The following SUGP1 variants were observed in gnomAD, a reference collection of about 807,000 sequenced individuals.
SUGP1 encodes SURP and G-patch domain-containing protein 1.
Under a neutral mutation model 76.5 loss-of-function variants are expected in SUGP1, and 34 were observed. The observed-to-expected ratio is 0.44, with a 90% confidence interval of 0.34 to 0.59. The LOEUF is 0.59. Ranked by LOEUF, SUGP1 falls within the 20% of genes least tolerant of loss-of-function variation. SUGP1 has a pLI of 0.01. For synonymous variants in SUGP1, 326 were observed against 326.2 expected, an observed-to-expected ratio of 1.00 and a Z score of 0.01; for missense variants, 752 against 851.7, an observed-to-expected ratio of 0.88 and a Z score of 1.46.
Position 19,277,853 on chromosome 19 carries a change from C to A in SUGP1, c.1662G>T (p.Glu554Asp). Residue 554 changes from glutamate (E) to aspartate (D), a missense_variant, in exon 12 of 14, where the codon GAG (glutamate) becomes GAT (aspartate). Glu to Asp is a conservative substitution (Grantham distance 45, BLOSUM62 2). Around this residue, in one of 2 missense-constraint regions of SUGP1, gnomAD observed 132 missense variants for 234.4 expected, o/e 0.56. Transcript: ENST00000247001. ...LKEGREPDYS[E>D]YKEFKLTVEN... ...CCACAGTCAGCTTGAACTCCTTGTACTCTGAGTAGTCAGGCTCACGGCCCT... is the reference window on the plus strand; with the variant it reads ...CCACAGTCAGCTTGAACTCCTTGTAATCTGAGTAGTCAGGCTCACGGCCCT... 1 of 1,614,006 alleles carries A rather than the reference C, an allele frequency of 6.2e-7. No homozygotes were observed. The highest frequency in any genetic ancestry group is 8.5e-7 in the Non-Finnish European group (1 of 1,179,972).
At chr19:19,280,058 TG>T in intron 9 of SUGP1, 126 bp downstream of exon 9, 2 of 909,762 alleles carry the variant, frequency 2.2e-6, no homozygotes, top group Non-Finnish European at 3.3e-6. Context: ...CCGCTGGCCA[TG>T]GGTTCCACCT....
At chr19:19,297,694 A>T (rs2061238827) in intron 7 of SUGP1, among the ~76,000 whole-genome samples, 1 of 152,176 alleles carries the variant, frequency 6.6e-6, no homozygotes, top group Non-Finnish European at 1.5e-5. Context: ...ACACCAAAAA[A>T]TCTCAGATTG....
intron 8 of SUGP1, among the ~76,000 whole-genome samples, chr19:19,290,301 C>T (rs1321960676): frequency 6.6e-6 from 1 of 152,142 alleles, no homozygotes; most frequent in Non-Finnish European, 1.5e-5. Flanking sequence ...ACAAGGAGAA[C>T]TGAGTGTGCT....
chr19:19,302,405 A>G lies in SUGP1; in HGVS notation c.764-17T>C, dbSNP rs760178477. 9 of 1,612,856 alleles carry G rather than the reference A, an allele frequency of 5.6e-6. No individual in the cohort carries two copies. Among genetic ancestry groups the G allele is most frequent in the Non-Finnish European group, 7.6e-6 (9 of 1,179,090 alleles). On this transcript the variant is annotated splice_polypyrimidine_tract_variant and intron_variant, in intron 6 of 13. Transcript: ENST00000247001. ...GGGGTGAAACTTTAAGCAGGCTGTC[A>G]GTACTGGGCTCAACTCACCACACCC...
At position 19,303,753 on chromosome 19, in the gene SUGP1, C is replaced by T. The variant is rs1487983327; in HGVS notation, c.633G>A (p.Met211Ile). ...ATGCTGGGTTATCCTTGTAGTCCTC[C>T]ATAGCTACTTTTTCTAACTCGGGGC... ...EGGPELEKVAMEDYKDNPAFA... is the reference protein window; with the variant it reads ...EGGPELEKVAIEDYKDNPAFA... Residue 211 changes from methionine to isoleucine, a missense_variant, in exon 5 of 14, where the codon ATG becomes ATA. Physicochemically the swap from Met to Ile is conservative, Grantham distance 10. Around this residue, in one of 2 missense-constraint regions of SUGP1, gnomAD observed 620 missense variants for 617.3 expected, o/e 1.00. Transcript: ENST00000247001. 1 of 1,614,094 alleles carries T rather than the reference C, an allele frequency of 6.2e-7. No individual in the cohort carries two copies. Among genetic ancestry groups the T allele is most frequent in the African/African-American group, 1.3e-5 (1 of 74,932 alleles).
chr19:19,303,444 A>C lies in SUGP1; in HGVS notation c.667T>G (p.Leu223Val), dbSNP rs1252737365. 4 of 1,613,922 alleles carry C rather than the reference A, an allele frequency of 2.5e-6. No individual in the cohort carries two copies. The highest frequency in any genetic ancestry group is 1.7e-5 in the Admixed American group (1 of 60,026). Reference sequence around the variant, plus strand: ...AATTCCCTGCTATTCTTATCGTGCAAAAATCTGGAGAGGAGGAAGTTTGCA... The same window carrying C: ...AATTCCCTGCTATTCTTATCGTGCACAAATCTGGAGAGGAGGAAGTTTGCA... ...DYKDNPAFAF[L>V]HDKNSREFLY... Residue 223 changes from leucine to valine, a missense_variant, in exon 6 of 14, where the codon TTG (leucine) becomes GTG (valine). Physicochemically the swap from Leu to Val is conservative, Grantham distance 32. Around this residue, in one of 2 missense-constraint regions of SUGP1, gnomAD observed 620 missense variants for 617.3 expected, o/e 1.00. Coordinates refer to ENST00000247001, the MANE Select transcript of SUGP1 (RefSeq NM_172231.4).
chr19:19,278,144 T>C (rs1301686126), intron 11 of SUGP1, among the ~76,000 whole-genome samples: 2 of 152,142 alleles, frequency 1.3e-5, no homozygotes, highest in African/African-American at 4.8e-5. Flanking sequence ...CCACCTGAGA[T>C]AAAGCAATGG....
At chr19:19,281,632 C>T in intron 8 of SUGP1, 1 of 152,192 alleles carries the variant, frequency 6.6e-6, no homozygotes, top group Non-Finnish European at 1.5e-5. Context: ...CTTGCAAACA[C>T]AGGTGATGGC....
In SUGP1 at chr19:19,276,942, C is replaced by A. The variant is rs370690596; in HGVS notation, c.1911+5G>T. 292 of 1,612,644 alleles carry A rather than the reference C, an allele frequency of 1.8e-4. No homozygotes were observed. The highest frequency in any genetic ancestry group is 2.1e-4 in the Non-Finnish European group (253 of 1,179,930). On this transcript the variant is annotated splice_donor_5th_base_variant and intron_variant, in intron 13 of 13. Coordinates refer to ENST00000247001, the MANE Select transcript of SUGP1 (RefSeq NM_172231.4). The stretch of plus-strand genomic sequence containing the variant: ...AGCAAAGGCAGCCCAGGAGGACATG[C>A]GTACCAGGGGGTTGGGCCGGAAGCG...
Position 19,302,292 on chromosome 19 carries a change from T to G in SUGP1, c.860A>C (p.Gln287Pro). The G allele has an allele frequency of 6.2e-7, 1 of 1,614,232 alleles. No homozygotes were observed. The highest frequency in any genetic ancestry group is 8.5e-7 in the Non-Finnish European group (1 of 1,180,028). The change falls in exon 7 of 14, where the codon CAG becomes CCG. Residue 287 changes from glutamine to proline, a missense_variant. Around this residue, in one of 2 missense-constraint regions of SUGP1, gnomAD observed 620 missense variants for 617.3 expected, o/e 1.00. Coordinates refer to ENST00000247001, the MANE Select transcript of SUGP1 (RefSeq NM_172231.4). Reference sequence around the variant, plus strand: ...GAATGCCTGGTTCTCACGGTTGTTCTGGAGGGCAATGGTTTCCACCTCGGG... The same window carrying G: ...GAATGCCTGGTTCTCACGGTTGTTCGGGAGGGCAATGGTTTCCACCTCGGG... ...GGPEVETIAL[Q>P]NNRENQAFSF...
At chr19:19,311,944 C>T (rs1490451123) in intron 2 of SUGP1, among the ~76,000 whole-genome samples, 1 of 151,824 alleles carries the variant, frequency 6.6e-6, no homozygotes, top group African/African-American at 2.4e-5. Context: ...TGCCACTGCA[C>T]GTCTGCCTGG....
At chr19:19,313,995 G>T (rs1002317694) in intron 2 of SUGP1, among the ~76,000 whole-genome samples, 1 of 151,946 alleles carries the variant, frequency 6.6e-6, no homozygotes, top group African/African-American at 2.4e-5. Flanking sequence ...AAAATTAGCC[G>T]GGCACGATGG....
chr19:19,308,220 G>C (rs1254863318), intron 3 of SUGP1, among the ~76,000 whole-genome samples: 1 of 151,822 alleles, frequency 6.6e-6, no homozygotes, highest in African/African-American at 2.4e-5. Context: ...TTTTTGTAGA[G>C]AGGAGACTTA....
At chr19:19,293,444 C>T (rs1027409465) in intron 8 of SUGP1, among the ~76,000 whole-genome samples, 6 of 151,664 alleles carry the variant, frequency 4.0e-5, no homozygotes, top group South Asian at 2.1e-4. Context: ...ATTGGCCAGT[C>T]GTGGTGGTGG....
chr19:19,278,844 G>C (rs1183596862), intron 10 of SUGP1, 48 bp from the exon 11 acceptor site: 1 of 1,573,300 alleles, frequency 6.4e-7, no homozygotes, highest in Non-Finnish European at 8.7e-7. Context: ...CAGGAAGGAG[G>C]GGAGCAGGCC....
At chr19:19,279,115 C>T (rs2061076493) in intron 10 of SUGP1, 98 bp downstream of exon 10, 2 of 1,326,190 alleles carry the variant, frequency 1.5e-6, no homozygotes, top group Non-Finnish European at 2.0e-6. Flanking sequence ...ACCAGGATGG[C>T]AGCTCAAGAC....
intron 1 of SUGP1, among the ~76,000 whole-genome samples, chr19:19,320,212 C>T (rs1334503937): frequency 6.6e-6 from 1 of 152,226 alleles, no homozygotes; most frequent in African/African-American, 2.4e-5. Context: ...GTTTCGGAAA[C>T]GGGACGCAGG....
chr19:19,294,602 T>G (rs559384717), intron 8 of SUGP1, among the ~76,000 whole-genome samples: 69 of 151,818 alleles, frequency 4.5e-4, no homozygotes, highest in African/African-American at 1.6e-3. Flanking sequence ...GGGGTAAATT[T>G]TCATGCCCGG....
chr19:19,295,404 A>C (rs911152027), intron 8 of SUGP1, among the ~76,000 whole-genome samples: 2 of 151,898 alleles, frequency 1.3e-5, no homozygotes, highest in Admixed American at 6.6e-5. Context: ...GGAGATCGAG[A>C]TCATCCTGGC....
Sources: gnomAD v4.1 joint callset for allele counts (sites outside exome capture counted in the v4.1 genomes callset) on GRCh38, gnomAD v4.1.1 for gene constraint, gnomAD v4.1.1 regional missense constraint, MANE v1.5 for transcripts, NCBI Gene and HGNC (gene_info 2026-07-23, HGNC 2026-07-21) for gene names.